Variants in QTGAL observed in about 807,000 individuals in gnomAD.
QTGAL encodes the protein queuosine-tRNA galactosyltransferase.
the QTGAL span, among the ~76,000 whole-genome samples, chr17:83,024,917 T>C: frequency 1.3e-5 from 2 of 152,222 alleles, no homozygotes; most frequent in African/African-American, 4.8e-5. Context: ...CGGCTACTGC[T>C]GGCCAGGATC....
At chr17:83,018,469 T>TA in the QTGAL span, among the ~76,000 whole-genome samples, 786 of 152,216 alleles carry the variant, frequency 5.2e-3, 6 homozygotes, top group African/African-American at 0.017. Flanking sequence ...ACTTTTTTTT[T>TA]ATATTTATCA....
the QTGAL span, among the ~76,000 whole-genome samples, chr17:83,013,226 G>A: frequency 8.4e-4 from 128 of 151,892 alleles, no homozygotes; most frequent in African/African-American, 2.6e-3. Flanking sequence ...CCCAGGACCT[G>A]ACACACCCCC....
At chr17:82,971,679 G>GTAC in the QTGAL span, among the ~76,000 whole-genome samples, 22 of 34,288 alleles carry the variant, frequency 6.4e-4, no homozygotes, top group East Asian at 1.3e-3. Context: ...GAAGGACCTG[G>GTAC]TGCCCACCAC....
chr17:82,992,411 A>T, the QTGAL span, among the ~76,000 whole-genome samples: 1 of 152,230 alleles, frequency 6.6e-6, no homozygotes, highest in Non-Finnish European at 1.5e-5. Flanking sequence ...GGATGGCATG[A>T]CATATGTAAC....
the QTGAL span, chr17:82,961,174 G>C: frequency 1.2e-6 from 2 of 1,606,690 alleles, no homozygotes; most frequent in Non-Finnish European, 8.5e-7. Context: ...CAGGTCCTCC[G>C]GGACGCCCTG....
chr17:82,984,858 C>T, the QTGAL span, among the ~76,000 whole-genome samples: 1 of 152,148 alleles, frequency 6.6e-6, no homozygotes, highest in African/African-American at 2.4e-5. Flanking sequence ...CGGCCCACCC[C>T]GGGTAGCTAG....
the QTGAL span, among the ~76,000 whole-genome samples, chr17:82,958,987 GGTGT>G: frequency 0.05 from 2,448 of 49,402 alleles, 248 homozygotes; most frequent in South Asian, 0.17. Flanking sequence ...GGGGGTGTAT[GGTGT>G]GTGTGTGTGT....
chr17:82,967,102 A>G, the QTGAL span, among the ~76,000 whole-genome samples: 1 of 152,216 alleles, frequency 6.6e-6, no homozygotes, highest in Non-Finnish European at 1.5e-5. Context: ...TCGGTAGGGA[A>G]GTCCACCTAA....
the QTGAL span, chr17:82,961,089 G>A: frequency 2.2e-5 from 36 of 1,610,370 alleles, no homozygotes; most frequent in East Asian, 7.8e-4. Context: ...CCTGTGGGTG[G>A]TGGCGATACA....
chr17:83,011,995 C>T, the QTGAL span, among the ~76,000 whole-genome samples: 32 of 130,454 alleles, frequency 2.5e-4, no homozygotes, highest in Admixed American at 8.5e-4. Flanking sequence ...ACGAACTCCT[C>T]GTATCCATAA....
the QTGAL span, among the ~76,000 whole-genome samples, chr17:82,957,796 G>A: frequency 6.6e-6 from 1 of 152,162 alleles, no homozygotes; most frequent in Non-Finnish European, 1.5e-5. Context: ...GCAGAGGACT[G>A]GACTTGACCC....
At chr17:83,048,379 T>C in the QTGAL span, 1 of 1,163,620 alleles carries the variant, frequency 8.6e-7, no homozygotes, top group South Asian at 1.3e-5. Flanking sequence ...GGATACTTTT[T>C]GTCAGTATTT....
At chr17:82,961,512 C>A in the QTGAL span, among the ~76,000 whole-genome samples, 1 of 152,218 alleles carries the variant, frequency 6.6e-6, no homozygotes, top group Non-Finnish European at 1.5e-5. Context: ...CAGGGTCTCA[C>A]AGCCACGGCT....
At chr17:83,046,193 C>G in the QTGAL span, among the ~76,000 whole-genome samples, 2 of 150,748 alleles carry the variant, frequency 1.3e-5, no homozygotes, top group African/African-American at 4.9e-5. Flanking sequence ...ACAGTGGCAC[C>G]ATCTCGGCTC....
At chr17:82,946,562 G>C in the QTGAL span, among the ~76,000 whole-genome samples, 1 of 146,634 alleles carries the variant, frequency 6.8e-6, no homozygotes, top group African/African-American at 2.5e-5. Flanking sequence ...GACAGTTACA[G>C]AACCCAAGTG....
chr17:82,963,997 C>T, the QTGAL span, among the ~76,000 whole-genome samples: 1 of 133,592 alleles, frequency 7.5e-6, no homozygotes, highest in Non-Finnish European at 1.5e-5. Context: ...TGGCTCATGC[C>T]TTTAATCTCA....
chr17:83,011,417 C>T, the QTGAL span: 1 of 152,216 alleles, frequency 6.6e-6, no homozygotes, highest in Non-Finnish European at 1.5e-5. Flanking sequence ...CTTAAGAAAA[C>T]AACGACCAAG....
At chr17:82,979,575 G>A in the QTGAL span, among the ~76,000 whole-genome samples, 2 of 152,306 alleles carry the variant, frequency 1.3e-5, no homozygotes, top group South Asian at 2.1e-4. Flanking sequence ...TACAGGACTT[G>A]TACACTAAAA....
chr17:83,002,426 A>G, the QTGAL span, among the ~76,000 whole-genome samples: 9 of 152,220 alleles, frequency 5.9e-5, no homozygotes, highest in Admixed American at 2.6e-4. Context: ...AGTCTGCCTG[A>G]GTTCCCGTTT....
Sources: allele counts gnomAD v4.1 joint callset (sites outside exome capture counted in the v4.1 genomes callset), GRCh38; gene constraint gnomAD v4.1.1; transcripts MANE v1.5; gene names NCBI Gene and HGNC (gene_info 2026-07-23, HGNC 2026-07-21).